CEP164: variants seen among roughly 807,000 people sequenced by gnomAD.
CEP164 encodes centrosomal protein 164.
A neutral mutation model predicts 182.7 loss-of-function variants in CEP164; 162 were observed. That is an observed-to-expected ratio of 0.89 (90% confidence interval 0.78 to 1.01). The LOEUF is 1.01. Ranked by LOEUF, CEP164 falls within the 50% of genes least tolerant of loss-of-function variation. CEP164 has a pLI of 0.00. For synonymous variants in CEP164, 661 were observed against 690.0 expected, an observed-to-expected ratio of 0.96 and a Z score of 0.66; for missense variants, 1,735 against 1,790.4, an observed-to-expected ratio of 0.97 and a Z score of 0.56.
chr11:117,373,402 G>A (rs578089102), intron 9 of CEP164, among the ~76,000 whole-genome samples: 1 of 151,916 alleles, frequency 6.6e-6, no homozygotes, highest in Non-Finnish European at 1.5e-5. Context: ...TCCTGGGAAA[G>A]ATGTTCTCCT....
In CEP164 at chr11:117,387,382, G is replaced by A. The variant is rs763183525; in HGVS notation, c.1904G>A (p.Arg635Gln). 1.9e-5 allele frequency: 31 copies of A among 1,613,984 alleles called. No individual in the cohort carries two copies. The highest frequency in any genetic ancestry group is 1.7e-4 in the Admixed American group (10 of 60,004). The change falls in exon 15 of 33, where the codon CGG becomes CAG. Residue 635 changes from arginine to glutamine, a missense_variant. Transcript: ENST00000278935. ...CAAGAGGAGGAAGAGGAGATCCTCC[G>A]GCTTCACCAGCAGAAAGAGCAATCT... Reference protein sequence around the residue: ...LCQEEEEEILRLHQQKEQSLS... With the variant: ...LCQEEEEEILQLHQQKEQSLS...
intron 8 of CEP164, among the ~76,000 whole-genome samples, chr11:117,369,966 C>G (rs1385604809): frequency 6.6e-6 from 1 of 152,234 alleles, no homozygotes. Flanking sequence ...TCTATCCACC[C>G]TGCTTCATGG....
intron 4 of CEP164, among the ~76,000 whole-genome samples, chr11:117,347,270 C>T (rs542435201): frequency 1.4e-4 from 21 of 152,298 alleles, no homozygotes; most frequent in African/African-American, 5.1e-4. Flanking sequence ...CTTTGTCTGT[C>T]TTCACACCAG....
intron 27 of CEP164, 37 bp downstream of exon 27, chr11:117,397,350 G>T (rs538062100): frequency 2.1e-5 from 33 of 1,565,228 alleles, no homozygotes; most frequent in African/African-American, 5.4e-5. Context: ...AGCCCTGTGT[G>T]GGGGAGGCGG....
intron 3 of CEP164, 38 bp downstream of exon 3, chr11:117,338,706 T>G (rs2037593541): frequency 1.3e-6 from 2 of 1,498,726 alleles, no homozygotes; most frequent in East Asian, 4.5e-5. Context: ...TGTATTGTGT[T>G]TGTTTTTTGA....
upstream of CEP164, among the ~76,000 whole-genome samples, chr11:117,326,314 C>T (rs2035443327): frequency 1.3e-5 from 2 of 152,086 alleles, no homozygotes; most frequent in Admixed American, 6.6e-5. Context: ...TTGCAACCTC[C>T]ACCTCCCGGG....
At chr11:117,354,097 A>G (rs1440235731) in intron 5 of CEP164, among the ~76,000 whole-genome samples, 1 of 150,362 alleles carries the variant, frequency 6.7e-6, no homozygotes, top group Non-Finnish European at 1.5e-5. Flanking sequence ...GATCACTGCA[A>G]CCTCCGCCCC....
intron 11 of CEP164, among the ~76,000 whole-genome samples, chr11:117,379,547 G>C (rs144700298): frequency 6.6e-6 from 1 of 152,194 alleles, no homozygotes; most frequent in Non-Finnish European, 1.5e-5. Flanking sequence ...TAGGCTGGGG[G>C]AGAGGGAGAG....
chr11:117,392,982 A>C (rs368671766), intron 19 of CEP164, 22 bp from the exon 20 acceptor site: 46 of 1,611,950 alleles, frequency 2.9e-5, no homozygotes, highest in Non-Finnish European at 3.3e-5. Context: ...TTCATGCCAC[A>C]TCCCTGCCAT....
chr11:117,351,244 T>C (rs1249237998), intron 4 of CEP164, among the ~76,000 whole-genome samples: 1 of 152,158 alleles, frequency 6.6e-6, no homozygotes, highest in Non-Finnish European at 1.5e-5. Context: ...TTGGTCAGGC[T>C]GGCCTTGAAC....
chr11:117,409,250 A>G lies in CEP164; in HGVS notation c.3748+222A>G. The G allele has an allele frequency of 1.6e-6, 1 of 631,342 alleles. No homozygotes were observed. Among genetic ancestry groups the G allele is most frequent in the South Asian group, 2.0e-5 (1 of 50,224 alleles). The allele number at this position is 631,342 out of a possible 1,614,324, so 39.1% of individuals were successfully genotyped here. On this transcript the variant is annotated intron_variant, in intron 29 of 32. Transcript: ENST00000278935. The surrounding 1 kb of genome is among the most constrained non-coding windows in gnomAD (Gnocchi z 4.4). ...GGAAGCCCTCTGAATGCTGCAGAGC[A>G]CTCTACGGTGTGACCACTGGCCTTG... is the stretch of plus-strand genomic sequence containing the variant.
rs2037576745 is a variant in CEP164 at position 117,338,597 on chromosome 11, G to A, written c.11G>A (p.Arg4Gln). 8 of 1,614,018 alleles carry A rather than the reference G, an allele frequency of 5.0e-6. No individual in the cohort carries two copies. The highest frequency in any genetic ancestry group is 6.8e-6 in the Non-Finnish European group (8 of 1,179,924). The change falls in exon 3 of 33, where the codon CGA (arginine) becomes CAA (glutamine). Residue 4 changes from arginine to glutamine, a missense_variant. Transcript: ENST00000278935. ...GAGCCCAGATGAGTCATGGCTGGAC[G>A]ACCCCTCCGCATAGGAGATCAGCTG... MAG[R>Q]PLRIGDQLVL...
upstream of CEP164, among the ~76,000 whole-genome samples, chr11:117,325,266 G>C (rs184705408): frequency 9.9e-4 from 150 of 152,056 alleles, no homozygotes; most frequent in African/African-American, 3.5e-3. Flanking sequence ...TGTGTTTGTA[G>C]TAGAGACAGG....
chr11:117,343,218 G>A (rs1474387973), intron 3 of CEP164, among the ~76,000 whole-genome samples: 1 of 152,226 alleles, frequency 6.6e-6, no homozygotes, highest in Non-Finnish European at 1.5e-5. Flanking sequence ...TTGAAAAAGA[G>A]GCAACTCCCT....
chr11:117,343,324 A>G (rs774956814), intron 3 of CEP164, among the ~76,000 whole-genome samples: 43 of 152,244 alleles, frequency 2.8e-4, no homozygotes, highest in Non-Finnish European at 4.1e-4. Context: ...GGCAGAATCA[A>G]TCACTGCCTT....
At chr11:117,352,276 T>G (rs1373546540) in intron 5 of CEP164, among the ~76,000 whole-genome samples, 2 of 152,188 alleles carry the variant, frequency 1.3e-5, no homozygotes, top group African/African-American at 4.8e-5. Flanking sequence ...AATGGTTTTT[T>G]GCAGTAGTAG....
At position 117,410,713 on chromosome 11, in the gene CEP164, G is replaced by T. The variant is rs1365845753; in HGVS notation, c.4097-115G>T. 5 of 745,064 alleles carry T rather than the reference G, an allele frequency of 6.7e-6. No homozygotes were observed. The East Asian group carries it at 1.1e-4, about 16-fold the overall frequency. The allele number at this position is 745,064 out of a possible 1,614,324, so 46.2% of individuals were successfully genotyped here. Reference sequence around the variant, plus strand: ...CATTCCTGTCTCTCACCTGTCTCTGGCCTCCAGCCACTGAAGCTTTTCCTT... The same window carrying T: ...CATTCCTGTCTCTCACCTGTCTCTGTCCTCCAGCCACTGAAGCTTTTCCTT... On this transcript the variant is annotated intron_variant, in intron 30 of 32. Coordinates refer to ENST00000278935, the MANE Select transcript of CEP164 (RefSeq NM_014956.5).
At chr11:117,366,921 T>C (rs1408267904) in intron 8 of CEP164, among the ~76,000 whole-genome samples, 1 of 152,146 alleles carries the variant, frequency 6.6e-6, no homozygotes. Context: ...TCTCCTGCTC[T>C]CTCCTCCTGC....
intron 1 of CEP164, among the ~76,000 whole-genome samples, chr11:117,329,983 T>A (rs1407511604): frequency 1.3e-5 from 2 of 151,956 alleles, no homozygotes; most frequent in African/African-American, 4.8e-5. Context: ...TAGGAAGTGT[T>A]CAGTGGCTAT....
Sources: gnomAD v4.1 joint callset for allele counts (sites outside exome capture counted in the v4.1 genomes callset) on GRCh38, gnomAD v4.1.1 for gene constraint, Gnocchi (gnomAD v3.1) non-coding constraint, MANE v1.5 for transcripts, NCBI Gene and HGNC (gene_info 2026-07-23, HGNC 2026-07-21) for gene names.